The following SDK1 variants were observed in gnomAD, a reference collection of about 807,000 sequenced individuals.
The protein encoded by SDK1 is protein sidekick-1.
SDK1 carries 157 observed loss-of-function variants against 245.5 expected under a neutral mutation model. The ratio of observed to expected loss-of-function variants is 0.64; its 90% CI spans 0.56 to 0.73. The LOEUF is 0.73. Among genes scored for constraint, SDK1 ranks in the 30% least tolerant of loss-of-function variants. The pLI, the probability that SDK1 is intolerant of heterozygous loss-of-function variation, is 0.00. For missense variants in SDK1, 3,583 were observed against 3,002.3 expected, an observed-to-expected ratio of 1.19 and a Z score of -4.52; for synonymous variants, 1,647 against 1,278.5, an observed-to-expected ratio of 1.29 and a Z score of -6.15.
chr7:3,503,569 C>A (rs1269632935), intron 1 of SDK1, among the ~76,000 whole-genome samples: 2 of 152,058 alleles, frequency 1.3e-5, no homozygotes, highest in African/African-American at 4.8e-5. Context: ...CCTAGCTACT[C>A]AGTAGGCTGA....
intron 1 of SDK1, among the ~76,000 whole-genome samples, chr7:3,328,216 T>C (rs1779981950): frequency 6.6e-6 from 1 of 152,152 alleles, no homozygotes; most frequent in Non-Finnish European, 1.5e-5. Flanking sequence ...CAAATGATAT[T>C]TAAAAAATAT....
At chr7:4,243,740 G>T (rs1308440493) in intron 43 of SDK1, among the ~76,000 whole-genome samples, 1 of 152,156 alleles carries the variant, frequency 6.6e-6, no homozygotes, top group Non-Finnish European at 1.5e-5. Context: ...CACAACTCAA[G>T]ATGAGATTTG....
chr7:3,778,416 A>G (rs1041595470), intron 4 of SDK1, among the ~76,000 whole-genome samples: 3 of 152,178 alleles, frequency 2.0e-5, no homozygotes, highest in East Asian at 1.9e-4. Flanking sequence ...GAGAAACGCT[A>G]TTTCCCATTG....
chr7:3,821,296 G>C (rs1051270043), intron 4 of SDK1, among the ~76,000 whole-genome samples, 154 bp from the exon 5 acceptor site: 2 of 152,184 alleles, frequency 1.3e-5, no homozygotes, highest in Admixed American at 1.3e-4. Context: ...TGGCGTTGTC[G>C]TATTCTTAAA....
At chr7:3,591,470 G>A (rs1018331761) in intron 1 of SDK1, among the ~76,000 whole-genome samples, 1 of 152,218 alleles carries the variant, frequency 6.6e-6, no homozygotes, top group African/African-American at 2.4e-5. Flanking sequence ...CAGAGGTTTC[G>A]GCTTTGGCCA....
At chr7:3,506,299 C>A (rs1024232967) in intron 1 of SDK1, among the ~76,000 whole-genome samples, 1 of 151,998 alleles carries the variant, frequency 6.6e-6, no homozygotes, top group African/African-American at 2.4e-5. Flanking sequence ...TGAAGATGTT[C>A]TTCTATTGTC....
chr7:4,012,013 C>A, intron 15 of SDK1, 82 bp from the exon 16 acceptor site: 4 of 1,209,208 alleles, frequency 3.3e-6, no homozygotes, highest in Non-Finnish European at 4.3e-6. Flanking sequence ...GCTCAAGATT[C>A]AGCAAGATAG....
At chr7:3,618,680 A>G (rs1056698206) in intron 1 of SDK1, among the ~76,000 whole-genome samples, 1 of 152,216 alleles carries the variant, frequency 6.6e-6, no homozygotes, top group Admixed American at 6.5e-5. Context: ...TTTTAAAACC[A>G]ATTGAAGGTT....
At chr7:3,616,461 G>T (rs933991397) in intron 1 of SDK1, among the ~76,000 whole-genome samples, 4 of 152,138 alleles carry the variant, frequency 2.6e-5, no homozygotes, top group African/African-American at 9.7e-5. Context: ...CTTTCGTACT[G>T]CCCAAGGGTA....
At chr7:4,062,732 C>T (rs1402006094) in intron 19 of SDK1, among the ~76,000 whole-genome samples, 1 of 152,162 alleles carries the variant, frequency 6.6e-6, no homozygotes, top group Non-Finnish European at 1.5e-5. Context: ...CTGAATCCAA[C>T]AGCACGTCAG....
intron 1 of SDK1, among the ~76,000 whole-genome samples, chr7:3,355,641 C>T (rs147203080): frequency 1.3e-5 from 2 of 152,230 alleles, no homozygotes; most frequent in South Asian, 4.1e-4. Context: ...GAAGCCATCA[C>T]TGGGAATACC....
At chr7:3,826,186 A>G (rs925664289) in intron 5 of SDK1, among the ~76,000 whole-genome samples, 1 of 152,218 alleles carries the variant, frequency 6.6e-6, no homozygotes, top group Non-Finnish European at 1.5e-5. Context: ...ACACACCATC[A>G]GGAAACAAGC....
At chr7:4,196,549 G>A (rs541817023) in intron 35 of SDK1, among the ~76,000 whole-genome samples, 16 of 152,196 alleles carry the variant, frequency 1.1e-4, no homozygotes, top group Non-Finnish European at 1.8e-4. Flanking sequence ...TCTCCACGCC[G>A]TAACTCTCCT....
intron 22 of SDK1, among the ~76,000 whole-genome samples, chr7:4,100,955 G>C (rs1782497186): frequency 6.6e-6 from 1 of 152,050 alleles, no homozygotes; most frequent in African/African-American, 2.4e-5. Flanking sequence ...CCTGAGGCCT[G>C]CCCCAGGCTG....
At chr7:3,386,586 G>T (rs546700183) in intron 1 of SDK1, among the ~76,000 whole-genome samples, 1 of 152,140 alleles carries the variant, frequency 6.6e-6, no homozygotes, top group Non-Finnish European at 1.5e-5. Context: ...GACTTTCTGA[G>T]CTTCTATAAA....
chr7:3,469,300 A>G (rs1289638824), intron 1 of SDK1, among the ~76,000 whole-genome samples: 1 of 152,132 alleles, frequency 6.6e-6, no homozygotes, highest in East Asian at 1.9e-4. Context: ...GGGTGGTAGC[A>G]CACACTTGTC....
At chr7:4,210,357 C>T (rs939042717) in intron 38 of SDK1, among the ~76,000 whole-genome samples, 195 bp downstream of exon 38, 8 of 152,172 alleles carry the variant, frequency 5.3e-5, no homozygotes, top group Non-Finnish European at 2.9e-5. Flanking sequence ...GGGGAAAGGC[C>T]TGTGAGGAAA....
rs1000249635 is a variant in SDK1 at position 3,612,997 on chromosome 7, A to G, written c.299-6083A>G. Among the ~76,000 whole-genome samples the G allele has an allele frequency of 4.6e-5, 7 of 152,068 alleles. No homozygotes were observed. The East Asian group carries it at 1.2e-3, about 25-fold the overall frequency. On this transcript the variant is annotated intron_variant, in intron 1 of 44. Transcript: ENST00000404826. Reference sequence around the variant, plus strand: ...ATTCATTATCTCTTTAAAATGCAGGAGAAAAGGGCAAATTATCAAATAGGT... The same window carrying G: ...ATTCATTATCTCTTTAAAATGCAGGGGAAAAGGGCAAATTATCAAATAGGT...
At chr7:3,972,054 G>A in intron 12 of SDK1, among the ~76,000 whole-genome samples, 1 of 150,718 alleles carries the variant, frequency 6.6e-6, no homozygotes, top group Non-Finnish European at 1.5e-5. Flanking sequence ...TGCATGCCAA[G>A]AGGGAGGCCA....
Sources: gnomAD v4.1 joint callset for allele counts (sites outside exome capture counted in the v4.1 genomes callset) on GRCh38, gnomAD v4.1.1 for gene constraint, MANE v1.5 for transcripts, NCBI Gene and HGNC (gene_info 2026-07-23, HGNC 2026-07-21) for gene names.